NVL: variants seen among roughly 807,000 people sequenced by gnomAD.
NVL encodes the protein nuclear VCP like.
In NVL, 84 loss-of-function variants were observed where a neutral mutation model predicts 110.2. The ratio of observed to expected loss-of-function variants is 0.76; its 90% confidence interval spans 0.64 to 0.91. The LOEUF is 0.91. Among genes scored for constraint, NVL ranks in the 40% least tolerant of loss-of-function variants. NVL has a pLI of 0.00. For missense variants in NVL, 882 were observed against 1,035.9 expected (o/e 0.85, Z 2.04); for synonymous variants, 354 against 361.1 (o/e 0.98, Z 0.22).
At chr1:224,246,924 C>G (rs1558249565) in intron 19 of NVL, among the ~76,000 whole-genome samples, 2 of 151,822 alleles carry the variant, frequency 1.3e-5, no homozygotes, top group South Asian at 4.2e-4. Flanking sequence ...ACCTGTGGCC[C>G]CAGCTGCGTG....
At position 224,273,653 on chromosome 1, in the gene NVL, ACAAATGAAGGGTTTATTCATGG is replaced by A. The variant is rs1267125753; in HGVS notation, c.2082+1664_2082+1685del. ...TTCAAACCAATTGAAGGGGCTATGG[ACAAATGAAGGGTTTATTCATGG>A]CAAAAGAGAGAGAATAAAAAGGAAA... On this transcript the variant is annotated intron_variant, in intron 17 of 22. Transcript: ENST00000281701. Among the ~76,000 whole-genome samples, 25 of 152,320 alleles carry A rather than the reference ACAAATGAAGGGTTTATTCATGG, an allele frequency of 1.6e-4. No individual in the cohort carries two copies. In the South Asian group the frequency reaches 3.5e-3, roughly 21 times the overall value.
chr1:224,228,374 G>A (rs1380721155), intron 22 of NVL, among the ~76,000 whole-genome samples: 3 of 151,874 alleles, frequency 2.0e-5, no homozygotes, highest in Non-Finnish European at 4.4e-5. Flanking sequence ...GTGCAATCTC[G>A]GCTCACTGCA....
In NVL at chr1:224,303,787, C is replaced by G; in HGVS notation, c.896G>C (p.Arg299Pro). 6.2e-7 allele frequency: 1 copy of G among 1,613,574 alleles called. No homozygotes were observed. Among genetic ancestry groups the G allele is most frequent in the Non-Finnish European group, 8.5e-7 (1 of 1,179,784 alleles). ...TGGTGGTCCATGAAGGAGAACTCCA[C>G]GAGGGGGCACGACGCCCAGGTGGTG... ...VYHHLGVVPP[R>P]GVLLHGPPGC... is the part of the protein sequence containing the mutation. The change falls in exon 9 of 23, where the codon CGT (arginine) becomes CCT (proline). Residue 299 changes from arginine (R) to proline (P), a missense_variant. Physicochemically the swap from Arg to Pro is moderately radical, Grantham distance 103. Coordinates refer to ENST00000281701, the MANE Select transcript of NVL (RefSeq NM_002533.4).
intron 19 of NVL, among the ~76,000 whole-genome samples, chr1:224,239,683 C>T (rs1242888720): frequency 3.3e-5 from 5 of 152,134 alleles, no homozygotes; most frequent in African/African-American, 1.2e-4. Context: ...AAATTCTACC[C>T]TTGGGTTAAG....
intron 19 of NVL, among the ~76,000 whole-genome samples, chr1:224,247,351 G>A (rs913635900): frequency 6.6e-6 from 1 of 151,880 alleles, no homozygotes; most frequent in Non-Finnish European, 1.5e-5. Flanking sequence ...GACTACGGGT[G>A]CATGCCACTA....
intron 17 of NVL, among the ~76,000 whole-genome samples, chr1:224,273,043 C>CA (rs67364238): frequency 0.56 from 66,546 of 119,486 alleles, 18,128 homozygotes; most frequent in East Asian, 0.86. Context: ...CAAAAAAAAA[C>CA]AAAAAAAACA....
chr1:224,227,583 C>T lies in NVL; in HGVS notation c.*43G>A, dbSNP rs1192952949. 4.4e-6 allele frequency: 7 copies of T among 1,587,368 alleles called. No homozygotes were observed. Among genetic ancestry groups the T allele is most frequent in the African/African-American group, 1.3e-5 (1 of 74,428 alleles). On this transcript the variant is annotated 3_prime_UTR_variant, in exon 23 of 23. Transcript: ENST00000281701. The stretch of plus-strand genomic sequence containing the variant: ...TTCAGAGCGTGTGGGGGATTCTCTG[C>T]CGGCTTGATGGGCTAGCTCCTCTAA...
chr1:224,311,701 T>A, intron 5 of NVL, 99 bp downstream of exon 5: 1 of 887,240 alleles, frequency 1.1e-6, no homozygotes, highest in East Asian at 2.4e-5. Context: ...ATTAGAGGTG[T>A]GAGTCACCAT....
intron 5 of NVL, among the ~76,000 whole-genome samples, chr1:224,310,061 G>C (rs1431310546): frequency 6.6e-6 from 1 of 151,184 alleles, no homozygotes; most frequent in East Asian, 2.0e-4. Flanking sequence ...TGAGGCAGGA[G>C]AATCACTTGA....
intron 12 of NVL, among the ~76,000 whole-genome samples, chr1:224,291,141 T>C (rs374821917): frequency 5.9e-5 from 9 of 152,358 alleles, no homozygotes; most frequent in African/African-American, 2.2e-4. Flanking sequence ...GGGCTGTTGC[T>C]ACAAATGAAT....
chr1:224,289,314 CT>C, intron 13 of NVL, 169 bp downstream of exon 13: 1 of 566,226 alleles, frequency 1.8e-6, no homozygotes. Flanking sequence ...CATAAAACAA[CT>C]CATATTTTTG....
intron 2 of NVL, among the ~76,000 whole-genome samples, chr1:224,323,924 G>A (rs1670900834): frequency 6.6e-6 from 1 of 152,196 alleles, no homozygotes; most frequent in Non-Finnish European, 1.5e-5. Flanking sequence ...TTTAGAATAG[G>A]AATGAATGTC....
intron 19 of NVL, among the ~76,000 whole-genome samples, chr1:224,240,783 C>CTTTTTT (rs59138570): frequency 1.6e-4 from 13 of 82,678 alleles, no homozygotes; most frequent in Non-Finnish European, 1.8e-4. Flanking sequence ...ACAAACTGTC[C>CTTTTTT]TTTTTTTTTT....
chr1:224,295,349 C>A (rs572250378), intron 11 of NVL, among the ~76,000 whole-genome samples: 1 of 152,072 alleles, frequency 6.6e-6, no homozygotes, highest in Non-Finnish European at 1.5e-5. Context: ...CCCGCCACCA[C>A]GCCCGGCTAA....
chr1:224,279,968 G>A (rs559106405), intron 16 of NVL, among the ~76,000 whole-genome samples: 71 of 151,944 alleles, frequency 4.7e-4, no homozygotes, highest in Middle Eastern at 3.4e-3. Flanking sequence ...TACAGGTGTC[G>A]GCCACTGTGC....
chr1:224,270,986 T>C (rs1665037364), intron 17 of NVL, among the ~76,000 whole-genome samples: 2 of 152,204 alleles, frequency 1.3e-5, no homozygotes, highest in Admixed American at 6.5e-5. Context: ...ACCCTGATTT[T>C]CACTTCCAAA....
chr1:224,235,690 T>G lies in NVL; in HGVS notation c.2366+816A>C, dbSNP rs145675506. ...TCACTGTAATCCCAGCACTTTGGGA[T>G]GCTGAGGCATGAGGGACTACTTAAG... On this transcript the variant is annotated intron_variant, in intron 20 of 22. Transcript: ENST00000281701. 9.3e-3 allele frequency among the ~76,000 whole-genome samples: 1,415 copies of G among 152,098 alleles called. 16 individuals are homozygous for G. Among genetic ancestry groups the G allele is most frequent in the African/African-American group, 0.031 (1,296 of 41,510 alleles).
In NVL at chr1:224,319,400, G is replaced by A. The variant is rs529940838; in HGVS notation, c.132-1470C>T. On this transcript the variant is annotated intron_variant, in intron 2 of 22. Transcript: ENST00000281701. ...TCGGCTCACTGCAGACTCCGCTTCC[G>A]GGGTTCACGCCATTCTCCTGCCTCA... is the stretch of plus-strand genomic sequence containing the variant. 3.5e-3 allele frequency among the ~76,000 whole-genome samples: 538 copies of A among 151,586 alleles called. 4 individuals are homozygous for A. Among genetic ancestry groups the A allele is most frequent in the African/African-American group, 0.012 (500 of 41,370 alleles).
At chr1:224,302,179 G>A (rs755920304) in intron 9 of NVL, among the ~76,000 whole-genome samples, 22 of 151,912 alleles carry the variant, frequency 1.4e-4, no homozygotes, top group Non-Finnish European at 2.9e-4. Flanking sequence ...TTGTATTAGC[G>A]CTTGGTATAA....
Sources: allele counts gnomAD v4.1 joint callset (sites outside exome capture counted in the v4.1 genomes callset), GRCh38; gene constraint gnomAD v4.1.1; transcripts MANE v1.5; gene names NCBI Gene and HGNC (gene_info 2026-07-23, HGNC 2026-07-21).